Variants in CENPP observed in about 807,000 individuals in gnomAD.
CENPP encodes the protein centromere protein P.
In CENPP, 24 loss-of-function variants were observed where a neutral mutation model predicts 35.6. The ratio of observed to expected loss-of-function variants is 0.67; its 90% CI spans 0.49 to 0.95. The LOEUF is 0.95. Among genes scored for constraint, CENPP ranks in the 40% least tolerant of loss-of-function variants. The pLI, the probability that CENPP is intolerant of heterozygous loss-of-function variation, is 0.00. For synonymous variants in CENPP, 120 were observed against 125.5 expected, an observed-to-expected ratio of 0.96 and a Z score of 0.29; for missense variants, 332 against 345.3, an observed-to-expected ratio of 0.96 and a Z score of 0.31.
intron 5 of CENPP, chr9:92,600,367 T>C (rs1850879438): frequency 6.4e-7 from 1 of 1,567,326 alleles, no homozygotes; most frequent in Non-Finnish European, 8.6e-7. Flanking sequence ...AAAAATGCCA[T>C]TGGGATATAT....
At chr9:92,465,130 G>T (rs140658451) in intron 5 of CENPP, 5 of 805,244 alleles carry the variant, frequency 6.2e-6, no homozygotes, top group Admixed American at 4.5e-5. Context: ...CCCAAGAAGC[G>T]TGAGCTTCAT....
chr9:92,412,142 A>C (rs1021518015), intron 5 of CENPP, among the ~76,000 whole-genome samples: 3 of 152,092 alleles, frequency 2.0e-5, no homozygotes, highest in Admixed American at 6.6e-5. Flanking sequence ...GGTGGAGTGC[A>C]GAAGCATGAT....
chr9:92,541,452 C>G (rs1318513502), intron 5 of CENPP, among the ~76,000 whole-genome samples: 1 of 146,892 alleles, frequency 6.8e-6, no homozygotes, highest in Non-Finnish European at 1.5e-5. Flanking sequence ...CCCCCACCCT[C>G]CTGGTTCAAG....
intron 5 of CENPP, chr9:92,466,668 A>G (rs1466521929): frequency 9.0e-6 from 10 of 1,108,962 alleles, no homozygotes; most frequent in African/African-American, 3.1e-5. Context: ...AGTACAATTT[A>G]TATCAGTGGT....
At chr9:92,611,078 A>G (rs1851226221) in intron 5 of CENPP, 3 of 592,360 alleles carry the variant, frequency 5.1e-6, no homozygotes, top group Non-Finnish European at 9.0e-6. Flanking sequence ...GAGGTTATGT[A>G]CAATGTTCAT....
Position 92,608,723 on chromosome 9 carries a change from A to C in CENPP, c.565-2591A>C, listed in dbSNP as rs376346160. 6.6e-5 allele frequency among the ~76,000 whole-genome samples: 10 copies of C among 152,248 alleles called. No homozygotes were observed. In the South Asian group the frequency reaches 1.0e-3, roughly 16 times the overall value. ...GAACCTTTGCACACAGTCCCACAAA[A>C]GTCCTCCAGAAACATGCACTGAATG... On this transcript the variant is annotated intron_variant, in intron 5 of 7. Coordinates refer to ENST00000375587, the MANE Select transcript of CENPP (RefSeq NM_001012267.3).
chr9:92,376,726 G>A (rs2130862443), intron 4 of CENPP, among the ~76,000 whole-genome samples: 1 of 152,236 alleles, frequency 6.6e-6, no homozygotes, highest in Non-Finnish European at 1.5e-5. Flanking sequence ...CTTTTTTACT[G>A]TACACGTGGT....
chr9:92,532,853 G>T (rs565658977), intron 5 of CENPP, among the ~76,000 whole-genome samples: 4 of 152,036 alleles, frequency 2.6e-5, no homozygotes, highest in Non-Finnish European at 4.4e-5. Flanking sequence ...GCCATGTTTT[G>T]TCTCTTCATA....
At chr9:92,543,346 A>G (rs13439959) in intron 5 of CENPP, among the ~76,000 whole-genome samples, 2,055 of 151,944 alleles carry the variant, frequency 0.014, 17 homozygotes, top group South Asian at 0.021. Flanking sequence ...GGTGGTACGT[A>G]CCTGTAGTCT....
At chr9:92,334,555 T>A (rs1840861058) in intron 2 of CENPP, among the ~76,000 whole-genome samples, 1 of 152,152 alleles carries the variant, frequency 6.6e-6, no homozygotes, top group Non-Finnish European at 1.5e-5. Flanking sequence ...CTGTGAACTT[T>A]GTTAAAAATG....
chr9:92,610,004 TGA>T (rs771289787), intron 5 of CENPP, among the ~76,000 whole-genome samples: 35 of 152,170 alleles, frequency 2.3e-4, no homozygotes, highest in Non-Finnish European at 8.8e-5. Flanking sequence ...CCCAAAATGC[TGA>T]GATTACAGGC....
At chr9:92,502,511 A>G in intron 5 of CENPP, 2 of 1,611,830 alleles carry the variant, frequency 1.2e-6, no homozygotes, top group Non-Finnish European at 1.7e-6. Context: ...GCATGTACTT[A>G]CTCTTGATTT....
intron 4 of CENPP, among the ~76,000 whole-genome samples, chr9:92,364,095 C>T (rs1267277353): frequency 6.6e-6 from 1 of 152,104 alleles, no homozygotes; most frequent in Non-Finnish European, 1.5e-5. Flanking sequence ...GGTGATCCAT[C>T]CACTTTGGCA....
At chr9:92,392,279 C>A (rs1160870356) in intron 5 of CENPP, among the ~76,000 whole-genome samples, 1 of 152,016 alleles carries the variant, frequency 6.6e-6, no homozygotes, top group Non-Finnish European at 1.5e-5. Context: ...GGGCCCTACC[C>A]CAGATCTGAA....
rs866098387 is a variant in CENPP, at chr9:92,450,393, G to A, written c.564+70534G>A. ...AGTTTACTGAGAACGATGATTTCCAGTTTCATCCATGTCCCTACAAAGGAC... is the reference window on the plus strand; with the variant it reads ...AGTTTACTGAGAACGATGATTTCCAATTTCATCCATGTCCCTACAAAGGAC... On this transcript the variant is annotated intron_variant, in intron 5 of 7. Transcript: ENST00000375587. 2.5e-3 allele frequency among the ~76,000 whole-genome samples: 377 copies of A among 152,008 alleles called. 3 individuals are homozygous for A. The highest frequency in any genetic ancestry group is 4.5e-3 in the Non-Finnish European group (305 of 67,984).
intron 5 of CENPP, among the ~76,000 whole-genome samples, chr9:92,530,337 T>C (rs1213328664): frequency 6.6e-6 from 1 of 152,162 alleles, no homozygotes; most frequent in African/African-American, 2.4e-5. Context: ...GAGATTTTGA[T>C]AGTAGGGGAA....
chr9:92,612,443 G>C, intron 6 of CENPP, 80 bp from the exon 7 acceptor site: 1 of 1,086,552 alleles, frequency 9.2e-7, no homozygotes, highest in South Asian at 1.3e-5. Flanking sequence ...GGGAAATGGA[G>C]ACCAGGTGCG....
At chr9:92,434,371 T>C (rs759533952) in intron 5 of CENPP, among the ~76,000 whole-genome samples, 23 of 139,668 alleles carry the variant, frequency 1.6e-4, no homozygotes, top group Non-Finnish European at 3.5e-4. Flanking sequence ...CCTAGGCAAC[T>C]GGGCGAGACT....
At chr9:92,415,848 AATAT>A (rs1019567222) in intron 5 of CENPP, among the ~76,000 whole-genome samples, 2 of 146,270 alleles carry the variant, frequency 1.4e-5, no homozygotes, top group East Asian at 2.0e-4. Context: ...TATATAAAAA[AATAT>A]ATATATATAA....
Sources: gnomAD v4.1 joint callset for allele counts (sites outside exome capture counted in the v4.1 genomes callset) on GRCh38, gnomAD v4.1.1 for gene constraint, MANE v1.5 for transcripts, NCBI Gene and HGNC (gene_info 2026-07-23, HGNC 2026-07-21) for gene names.